TNFRSF13B: variants seen among roughly 807,000 people sequenced by gnomAD.
The protein encoded by TNFRSF13B is TNF receptor superfamily member 13B.
Under a neutral mutation model 24.0 loss-of-function variants are expected in TNFRSF13B, and 34 were observed. The observed-to-expected ratio is 1.41, with a 90% CI of 1.08 to 1.88. TNFRSF13B has a LOEUF of 1.88. Among genes scored for constraint, TNFRSF13B ranks in the 40% most tolerant of loss-of-function variants. TNFRSF13B has a pLI of 0.00. For synonymous variants in TNFRSF13B, 173 were observed against 150.3 expected (o/e 1.15, Z -1.10); for missense variants, 415 against 380.8 (o/e 1.09, Z -0.75).
In TNFRSF13B at chr17:16,948,888, G is replaced by T. The variant is rs2087568550; in HGVS notation, c.295C>A (p.Gln99Lys). 1 of 1,614,202 alleles carries T rather than the reference G, an allele frequency of 6.2e-7. No individual in the cohort carries two copies. The highest frequency in any genetic ancestry group is 1.1e-5 in the South Asian group (1 of 91,086). Reference protein sequence around the residue: ...CASICGQHPKQCAYFCENKLR... With the variant: ...CASICGQHPKKCAYFCENKLR... ...TTGTTCTCACAGAAGTATGCACATTGCTTAGGGTGCTGTCCACAGATGGAG... is the reference window on the plus strand; with the variant it reads ...TTGTTCTCACAGAAGTATGCACATTTCTTAGGGTGCTGTCCACAGATGGAG... Residue 99 changes from glutamine (Q) to lysine (K), a missense_variant, in exon 3 of 5, where the codon CAA becomes AAA. By Grantham distance (53) the Gln-to-Lys change is moderately conservative. Coordinates refer to ENST00000261652, the MANE Select transcript of TNFRSF13B (RefSeq NM_012452.3).
At chr17:16,941,521 A>C (rs1022175585) in intron 3 of TNFRSF13B, 2 of 987,660 alleles carry the variant, frequency 2.0e-6, no homozygotes, top group Middle Eastern at 2.8e-4. Context: ...TGACACGTCA[A>C]GAAGAGCGAG....
chr17:16,964,659 GGAA>G (rs1330821393), intron 1 of TNFRSF13B, among the ~76,000 whole-genome samples: 1 of 152,092 alleles, frequency 6.6e-6, no homozygotes, highest in Non-Finnish European at 1.5e-5. Flanking sequence ...TGGTTCTAAA[GGAA>G]GAAGAACTTA....
intron 1 of TNFRSF13B, among the ~76,000 whole-genome samples, chr17:16,966,264 A>AG (rs1205825410): frequency 6.6e-6 from 1 of 150,634 alleles, no homozygotes; most frequent in Non-Finnish European, 1.5e-5. Flanking sequence ...AAAAAAAAAA[A>AG]CACCAAAAAA....
chr17:16,940,595 C>T, intron 3 of TNFRSF13B, 84 bp from the exon 4 acceptor site: 1 of 1,546,984 alleles, frequency 6.5e-7, no homozygotes, highest in Non-Finnish European at 8.7e-7. Flanking sequence ...CCCCCCATCC[C>T]CCTGCTGTGA....
At chr17:16,940,533 C>G in intron 3 of TNFRSF13B, 22 bp from the exon 4 acceptor site, 1 of 1,610,458 alleles carries the variant, frequency 6.2e-7, no homozygotes, top group Admixed American at 1.7e-5. Context: ...CATGAGACCC[C>G]TCTCTGCAGT....
chr17:16,946,568 A>ATTT (rs1273309613), intron 3 of TNFRSF13B, among the ~76,000 whole-genome samples: 1 of 137,926 alleles, frequency 7.3e-6, no homozygotes, highest in African/African-American at 2.5e-5. Context: ...TATTATTTTT[A>ATTT]TTTTTATTTT....
chr17:16,942,629 C>A (rs181231879), intron 3 of TNFRSF13B, among the ~76,000 whole-genome samples: 1 of 152,304 alleles, frequency 6.6e-6, no homozygotes, highest in East Asian at 1.9e-4. Flanking sequence ...AAACACTGCC[C>A]TGGAGGCATG....
At chr17:16,966,861 T>A in intron 1 of TNFRSF13B, among the ~76,000 whole-genome samples, 1 of 119,240 alleles carries the variant, frequency 8.4e-6, no homozygotes, top group South Asian at 3.0e-4. Context: ...TTTTTTGAGA[T>A]GGAGTCTCAC....
chr17:16,963,065 T>C (rs1325519613), intron 1 of TNFRSF13B, among the ~76,000 whole-genome samples: 1 of 152,206 alleles, frequency 6.6e-6, no homozygotes, highest in Non-Finnish European at 1.5e-5. Flanking sequence ...GTCATGGGGC[T>C]GGTACTCCTT....
intron 1 of TNFRSF13B, among the ~76,000 whole-genome samples, chr17:16,967,750 T>TTAAAAAAAAAAAAAAAA (rs1567657162): frequency 5.2e-5 from 1 of 19,378 alleles, no homozygotes; most frequent in African/African-American, 2.7e-4. Flanking sequence ...AGACTCCGTC[T>TTAAAAAAAAAAAAAAAA]CAAAAAAAAA....
At chr17:16,967,784 A>AG (rs1268949796) in intron 1 of TNFRSF13B, among the ~76,000 whole-genome samples, 1 of 149,730 alleles carries the variant, frequency 6.7e-6, no homozygotes, top group Non-Finnish European at 1.5e-5. Flanking sequence ...AAAGAAAGAA[A>AG]AAAAAAAGAA....
chr17:16,968,829 T>C (rs73292859), intron 1 of TNFRSF13B, among the ~76,000 whole-genome samples: 4,688 of 152,324 alleles, frequency 0.031, 216 homozygotes, highest in African/African-American at 0.096. Flanking sequence ...CCAAAATATA[T>C]AAAGAATGCT....
intron 2 of TNFRSF13B, among the ~76,000 whole-genome samples, chr17:16,950,754 G>A (rs1238077046): frequency 3.3e-5 from 5 of 150,604 alleles, no homozygotes; most frequent in African/African-American, 7.4e-5. Flanking sequence ...CTCCCTGCCT[G>A]ACCTCACACC....
At chr17:16,953,490 C>T (rs1000751759) in intron 1 of TNFRSF13B, among the ~76,000 whole-genome samples, 65 of 152,272 alleles carry the variant, frequency 4.3e-4, no homozygotes, top group African/African-American at 1.3e-3. Flanking sequence ...TGGGGTCCCC[C>T]GACACCCAAT....
rs1220740780 is a variant in TNFRSF13B, at chr17:16,939,374, CCT to C, written c.*171_*172del. The C allele has an allele frequency of 1.6e-5, 12 of 739,484 alleles. No homozygotes were observed. The East Asian group carries it at 3.4e-4, about 21-fold the overall frequency. The allele number at this position is 739,484 out of a possible 1,614,324, so 45.8% of individuals were successfully genotyped here. On this transcript the variant is annotated 3_prime_UTR_variant, in exon 5 of 5. Transcript: ENST00000261652. The stretch of plus-strand genomic sequence containing the variant: ...CTCTTTCCCTCTCTGCCTCTCTTCC[CCT>C]CTGTCTCTCTCTCCCTCTGTCTCTC...
chr17:16,960,727 A>G lies in TNFRSF13B; in HGVS notation c.62-8144T>C, dbSNP rs73291188. 9.1e-3 allele frequency among the ~76,000 whole-genome samples: 1,389 copies of G among 152,336 alleles called. 22 individuals are homozygous for G. Among genetic ancestry groups the G allele is most frequent in the East Asian group, 0.043 (221 of 5,188 alleles). The stretch of plus-strand genomic sequence containing the variant: ...GGATACAGCACCAAAGGCATAGGCA[A>G]TGAAAGGAAAAAATTAGATAAATTG... On this transcript the variant is annotated intron_variant, in intron 1 of 4. Coordinates refer to ENST00000261652, the MANE Select transcript of TNFRSF13B (RefSeq NM_012452.3).
chr17:16,949,938 G>A (rs1054442850), intron 2 of TNFRSF13B, among the ~76,000 whole-genome samples: 9 of 151,914 alleles, frequency 5.9e-5, no homozygotes, highest in African/African-American at 1.5e-4. Flanking sequence ...TGCCTGCCTC[G>A]GCCTCCCAAA....
At chr17:16,944,226 A>G (rs1050882190) in intron 3 of TNFRSF13B, among the ~76,000 whole-genome samples, 1 of 152,090 alleles carries the variant, frequency 6.6e-6, no homozygotes, top group Non-Finnish European at 1.5e-5. Flanking sequence ...CAGCCTCCCA[A>G]CGGCACAGTT....
At chr17:16,968,540 AC>A (rs926732468) in intron 1 of TNFRSF13B, among the ~76,000 whole-genome samples, 21 of 152,236 alleles carry the variant, frequency 1.4e-4, no homozygotes, top group Non-Finnish European at 1.5e-5. Context: ...CCATTATCTC[AC>A]ACCACACACA....
Sources: gnomAD v4.1 joint callset for allele counts (sites outside exome capture counted in the v4.1 genomes callset) on GRCh38, gnomAD v4.1.1 for gene constraint, MANE v1.5 for transcripts, NCBI Gene and HGNC (gene_info 2026-07-23, HGNC 2026-07-21) for gene names.